CADM2: variants seen among roughly 807,000 people sequenced by gnomAD.
CADM2 encodes the protein immunoglobulin superfamily member 4D.
A neutral mutation model predicts 49.8 loss-of-function variants in CADM2; 12 were observed. The observed-to-expected ratio is 0.24, with a 90% CI of 0.15 to 0.39. The LOEUF (loss-of-function observed/expected upper bound fraction) is 0.39. CADM2 is among the 10% of genes least tolerant of loss of function. The pLI is 1.00. For synonymous variants in CADM2, 214 were observed against 175.4 expected (o/e 1.22, Z -1.74); for missense variants, 378 against 492.3 (o/e 0.77, Z 2.20).
At chr3:85,637,369 G>C (rs901831716) in intron 1 of CADM2, among the ~76,000 whole-genome samples, 2 of 151,326 alleles carry the variant, frequency 1.3e-5, no homozygotes, top group African/African-American at 4.9e-5. Context: ...TTGGGAGGCC[G>C]AGGCGGGTGG....
intron 1 of CADM2, among the ~76,000 whole-genome samples, chr3:85,524,022 T>A (rs1220163932): frequency 1.3e-5 from 2 of 152,146 alleles, no homozygotes; most frequent in Non-Finnish European, 2.9e-5. Context: ...GTACATATGC[T>A]TCCAAGTTAT....
At chr3:85,407,079 T>C (rs1328464896) in intron 1 of CADM2, among the ~76,000 whole-genome samples, 1 of 151,982 alleles carries the variant, frequency 6.6e-6, no homozygotes, top group Non-Finnish European at 1.5e-5. Flanking sequence ...GTGCATGTGT[T>C]TGATGCCAGC....
At chr3:84,999,227 C>G (rs535377060) in intron 1 of CADM2, among the ~76,000 whole-genome samples, 36 of 152,216 alleles carry the variant, frequency 2.4e-4, no homozygotes, top group African/African-American at 8.2e-4. Context: ...ACTGAGTTAA[C>G]AAATACTGAA....
chr3:85,619,932 A>G (rs760479241), intron 1 of CADM2, among the ~76,000 whole-genome samples: 9 of 152,200 alleles, frequency 5.9e-5, no homozygotes, highest in Non-Finnish European at 1.2e-4. Flanking sequence ...GAAAAACACA[A>G]TTCAACTTGT....
chr3:85,005,519 C>G (rs1222266333), intron 1 of CADM2, among the ~76,000 whole-genome samples: 2 of 151,960 alleles, frequency 1.3e-5, no homozygotes, highest in African/African-American at 4.8e-5. Flanking sequence ...GGGTCACAGA[C>G]AGAGGACCAA....
intron 1 of CADM2, among the ~76,000 whole-genome samples, chr3:85,469,244 T>A (rs1414547858): frequency 6.6e-6 from 1 of 152,206 alleles, no homozygotes; most frequent in Admixed American, 6.5e-5. Flanking sequence ...TAAAACAGTA[T>A]AATCAAATTA....
At chr3:85,795,788 T>C (rs2071585244) in intron 2 of CADM2, among the ~76,000 whole-genome samples, 1 of 152,234 alleles carries the variant, frequency 6.6e-6, no homozygotes, top group Non-Finnish European at 1.5e-5. Flanking sequence ...AAATTTCCAA[T>C]TTAAAGTTTC....
chr3:85,213,986 A>T (rs1339652129), intron 1 of CADM2, among the ~76,000 whole-genome samples: 2 of 152,030 alleles, frequency 1.3e-5, no homozygotes, highest in African/African-American at 4.8e-5. Flanking sequence ...GTTATCTTGT[A>T]TTTCTTTGAG....
chr3:86,013,080 G>C lies in CADM2; in HGVS notation c.970+51433G>C, dbSNP rs1370614549. 11 of 1,305,736 alleles carry C rather than the reference G, an allele frequency of 8.4e-6. No individual in the cohort carries two copies. The South Asian group carries it at 1.1e-4, about 13-fold the overall frequency. The allele number at this position is 1,305,736 out of a possible 1,614,324, so 80.9% of individuals were successfully genotyped here. On this transcript the variant is annotated intron_variant, in intron 8 of 9. Transcript: ENST00000383699. ...TAGTCCTTATAGGACAGTTCTTCGA[G>C]ATAATGCAATACCAACAATATTTGA...
intron 7 of CADM2, among the ~76,000 whole-genome samples, chr3:85,941,241 C>T (rs1721855173): frequency 6.6e-6 from 1 of 151,882 alleles, no homozygotes; most frequent in African/African-American, 2.4e-5. Flanking sequence ...AGCAAGTTTC[C>T]AACTCAGAAG....
intron 1 of CADM2, among the ~76,000 whole-genome samples, chr3:85,467,477 T>C (rs1291099896): frequency 6.6e-6 from 1 of 152,208 alleles, no homozygotes; most frequent in Non-Finnish European, 1.5e-5. Context: ...AAAGCTACTC[T>C]GTAAATTGGA....
At chr3:85,149,439 A>T (rs1004748568) in intron 1 of CADM2, among the ~76,000 whole-genome samples, 1 of 152,180 alleles carries the variant, frequency 6.6e-6, no homozygotes, top group African/African-American at 2.4e-5. Context: ...ACAAATTAAT[A>T]AATTGAGCCG....
intron 2 of CADM2, among the ~76,000 whole-genome samples, chr3:85,771,400 A>G (rs1464849801): frequency 6.6e-6 from 1 of 152,256 alleles, no homozygotes; most frequent in Admixed American, 6.6e-5. Flanking sequence ...TCAAGAGTCT[A>G]GAATTCAGTA....
At chr3:85,835,716 A>ATG (rs1339222655) in intron 3 of CADM2, among the ~76,000 whole-genome samples, 47 of 147,198 alleles carry the variant, frequency 3.2e-4, no homozygotes, top group Non-Finnish European at 5.1e-4. Context: ...ATGTATGTGT[A>ATG]TGTGTATATA....
intron 1 of CADM2, among the ~76,000 whole-genome samples, chr3:85,100,779 T>A (rs1331693400): frequency 1.3e-5 from 2 of 152,208 alleles, no homozygotes; most frequent in South Asian, 4.1e-4. Flanking sequence ...CAACTGCATT[T>A]TTAGAATCAG....
intron 1 of CADM2, among the ~76,000 whole-genome samples, chr3:85,350,578 T>G: frequency 6.6e-6 from 1 of 152,316 alleles, no homozygotes; most frequent in East Asian, 1.9e-4. Flanking sequence ...TTTTATTTAT[T>G]CAGTTATTTC....
At chr3:85,283,697 C>A (rs978667912) in intron 1 of CADM2, among the ~76,000 whole-genome samples, 8 of 151,930 alleles carry the variant, frequency 5.3e-5, no homozygotes, top group Non-Finnish European at 1.2e-4. Flanking sequence ...AAGCTTATAA[C>A]AAAATAGAGT....
chr3:85,170,441 C>T (rs953649574), intron 1 of CADM2, among the ~76,000 whole-genome samples: 2 of 151,386 alleles, frequency 1.3e-5, no homozygotes, highest in Non-Finnish European at 2.9e-5. Context: ...CAGGTTTTCG[C>T]GATTCTTCTG....
chr3:85,039,065 G>C (rs564218337), intron 1 of CADM2, among the ~76,000 whole-genome samples: 1 of 152,014 alleles, frequency 6.6e-6, no homozygotes, highest in East Asian at 1.9e-4. Context: ...GGAAGAGGAA[G>C]GCCAATAAAT....
Sources: gnomAD v4.1 joint callset for allele counts (sites outside exome capture counted in the v4.1 genomes callset) on GRCh38, gnomAD v4.1.1 for gene constraint, MANE v1.5 for transcripts, NCBI Gene and HGNC (gene_info 2026-07-23, HGNC 2026-07-21) for gene names.